PRKD2: variants seen among roughly 807,000 people sequenced by gnomAD.
PRKD2 encodes the protein protein kinase D2, also known as serine/threonine-protein kinase D2.
PRKD2 carries 22 observed loss-of-function variants against 86.0 expected under a neutral mutation model. The ratio of observed to expected loss-of-function variants is 0.26; its 90% CI spans 0.18 to 0.37. The LOEUF (loss-of-function observed/expected upper bound fraction) is 0.37, where lower values mean the gene tolerates loss of function less well. Ranked by LOEUF, PRKD2 falls within the 10% of genes least tolerant of loss-of-function variation. The pLI is 1.00. For missense variants in PRKD2, 818 were observed against 1,199.2 expected (o/e 0.68, Z 4.70); for synonymous variants, 509 against 510.9 (o/e 1.00, Z 0.05).
rs1383219683 is a variant in PRKD2, at chr19:46,706,123, C to T, written c.512-1474G>A. ...CAAGTGATCCTCCCACCTCAGCCTC[C>T]CAAAGTGTTGGGATTACAGGCATGA... On this transcript the variant is annotated intron_variant, in intron 3 of 17. Transcript: ENST00000291281. Among the ~76,000 whole-genome samples the T allele has an allele frequency of 3.9e-5, 6 of 152,172 alleles. No individual in the cohort carries two copies. The East Asian group carries it at 1.2e-3, about 29-fold the overall frequency.
At chr19:46,703,993 A>ACACACACACACACACC (rs1568732338) in intron 5 of PRKD2, among the ~76,000 whole-genome samples, 176 bp downstream of exon 5, 1 of 149,424 alleles carries the variant, frequency 6.7e-6, no homozygotes. Flanking sequence ...ACACACACAC[A>ACACACACACACACACC]ACTGAGGTTC....
chr19:46,689,936 C>T (rs955868079), intron 13 of PRKD2, among the ~76,000 whole-genome samples: 8 of 152,142 alleles, frequency 5.3e-5, no homozygotes, highest in African/African-American at 9.6e-5. Flanking sequence ...GATGGGGTTT[C>T]GCCATGTTGG....
rs56355930 is a variant in PRKD2 at position 46,699,918 on chromosome 19, T to TAA, written c.1121+879_1121+880dup. Among the ~76,000 whole-genome samples, 970 of 107,248 alleles carry TAA rather than the reference T, an allele frequency of 9.0e-3. 14 individuals are homozygous for TAA. Among genetic ancestry groups the TAA allele is most frequent in the African/African-American group, 0.033 (901 of 27,368 alleles). The allele number at this position is 107,248 out of a possible 152,430, so 70.4% of individuals were successfully genotyped here. On this transcript the variant is annotated intron_variant, in intron 7 of 17. Transcript: ENST00000291281. The stretch of plus-strand genomic sequence containing the variant: ...GGCAACATAGCAAGACCCCCTATCT[T>TAA]AAAAAAAAAAAAAAAAAAAAAAGAA...
intron 5 of PRKD2, among the ~76,000 whole-genome samples, chr19:46,703,183 A>G (rs1176355870): frequency 1.3e-5 from 2 of 152,194 alleles, no homozygotes; most frequent in Non-Finnish European, 2.9e-5. Flanking sequence ...GAGATCTAAG[A>G]TGTGTAATCT....
intron 14 of PRKD2, among the ~76,000 whole-genome samples, chr19:46,687,361 C>T (rs1021141057): frequency 6.6e-6 from 1 of 152,066 alleles, no homozygotes; most frequent in Non-Finnish European, 1.5e-5. Flanking sequence ...CACTGCACTC[C>T]AGCTCGGGTG....
At chr19:46,684,925 T>G (rs1001690559) in intron 14 of PRKD2, among the ~76,000 whole-genome samples, 88 of 146,794 alleles carry the variant, frequency 6.0e-4, no homozygotes, top group Admixed American at 2.7e-3. Context: ...ATAGCGCCAC[T>G]GCACTCCAGC....
chr19:46,694,381 G>A (rs2053527062), intron 9 of PRKD2, among the ~76,000 whole-genome samples: 1 of 152,136 alleles, frequency 6.6e-6, no homozygotes, highest in African/African-American at 2.4e-5. Context: ...GCTCACTTGA[G>A]GTCAGGAGTT....
At chr19:46,710,853 G>GC in intron 3 of PRKD2, 54 bp downstream of exon 3, 1 of 1,498,270 alleles carries the variant, frequency 6.7e-7, no homozygotes, top group Non-Finnish European at 9.0e-7. Context: ...ATTACGCTCC[G>GC]CCCCCGGTGC....
Position 46,701,093 on chromosome 19 carries a change from G to A in PRKD2, c.909C>T (p.His303=), listed in dbSNP as rs775176492. Residue 303 remains histidine (H), a synonymous_variant, in exon 6 of 18, where the codon CAC becomes CAT. Transcript: ENST00000291281. ...TAGGGACGCGGGTGGCGCAGCGTTT[G>A]TGACAGTTAAACTTGCAGTCTGGTA... ...LQCKDCKFNC[H]KRCATRVPND... 9 of 1,614,212 alleles carry A rather than the reference G, an allele frequency of 5.6e-6. No individual in the cohort carries two copies. The highest frequency in any genetic ancestry group is 7.6e-6 in the Non-Finnish European group (9 of 1,180,040).
Position 46,700,697 on chromosome 19 carries a change from A to G in PRKD2, c.1121+102T>C. 2.8e-6 allele frequency: 4 copies of G among 1,424,546 alleles called. No individual in the cohort carries two copies. In the South Asian group the frequency reaches 5.8e-5, roughly 21 times the overall value. 88.2% of individuals were successfully genotyped at this position (1,424,546 alleles called of 1,614,324 possible). A position where few individuals can be genotyped will look rare whatever the true frequency, so the allele number is the denominator to read the frequency against. On this transcript the variant is annotated intron_variant, in intron 7 of 17. Coordinates refer to ENST00000291281, the MANE Select transcript of PRKD2 (RefSeq NM_016457.5). ...TTTGCCTCAGGAACTGGGAAAATTT[A>G]TAAATATGAGGTGATGTCAGCCCAT...
At chr19:46,708,710 C>T (rs2053754215) in intron 3 of PRKD2, among the ~76,000 whole-genome samples, 1 of 152,296 alleles carries the variant, frequency 6.6e-6, no homozygotes, top group Admixed American at 6.5e-5. Flanking sequence ...AAGCAGGCTA[C>T]ACCAGAAACA....
chr19:46,678,786 C>T lies in PRKD2; in HGVS notation c.2071-123G>A. Reference sequence around the variant, plus strand: ...TGGATGCTGGTTTGAATCCAGGCTCCTTGGCTCACTAGCTGAGCAACCCTG... The same window carrying T: ...TGGATGCTGGTTTGAATCCAGGCTCTTTGGCTCACTAGCTGAGCAACCCTG... On this transcript the variant is annotated intron_variant, in intron 15 of 17. Coordinates refer to ENST00000291281, the MANE Select transcript of PRKD2 (RefSeq NM_016457.5). The surrounding 1 kb of genome is among the most constrained non-coding windows in gnomAD (Gnocchi z 5.7). The T allele has an allele frequency of 8.2e-7, 1 of 1,218,072 alleles. No homozygotes were observed. Among genetic ancestry groups the T allele is most frequent in the Non-Finnish European group, 1.1e-6 (1 of 889,490 alleles). The allele number at this position is 1,218,072 out of a possible 1,614,324, so 75.5% of individuals were successfully genotyped here.
intron 1 of PRKD2, chr19:46,714,409 C>G (rs2053853389): frequency 1.3e-6 from 1 of 746,686 alleles, no homozygotes; most frequent in African/African-American, 2.0e-5. Context: ...GTCCCAGTTA[C>G]CTGGCTCCAG....
At chr19:46,702,399 CTA>C (rs1483312242) in intron 5 of PRKD2, among the ~76,000 whole-genome samples, 6 of 152,086 alleles carry the variant, frequency 3.9e-5, no homozygotes, top group Non-Finnish European at 7.4e-5. Context: ...CTCTAGACAT[CTA>C]TGAGTCAACA....
intron 14 of PRKD2, chr19:46,688,910 G>C (rs1341041259): frequency 2.0e-5 from 3 of 152,114 alleles, no homozygotes; most frequent in African/African-American, 7.3e-5. Context: ...AACCTGGGCT[G>C]CTTTGCAACC....
Position 46,674,453 on chromosome 19 carries a change from G to A in PRKD2, c.*70C>T. 6.6e-7 allele frequency: 1 copy of A among 1,511,924 alleles called. No individual in the cohort carries two copies. The highest frequency in any genetic ancestry group is 8.9e-7 in the Non-Finnish European group (1 of 1,120,934). The allele number at this position is 1,511,924 out of a possible 1,614,324, so 93.7% of individuals were successfully genotyped here. ...TTTGGGCAGGAAGCCACTTTCCCTA[G>A]AACAGTTCATTGCTGGGATCCTGTG... On this transcript the variant is annotated 3_prime_UTR_variant, in exon 18 of 18. Transcript: ENST00000291281.
chr19:46,700,911 T>C lies in PRKD2; in HGVS notation c.1009A>G (p.Lys337Glu), dbSNP rs779171577. 4 of 1,614,212 alleles carry C rather than the reference T, an allele frequency of 2.5e-6. No homozygotes were observed. Among genetic ancestry groups the C allele is most frequent in the Non-Finnish European group, 8.5e-7 (1 of 1,180,032 alleles). Residue 337 changes from lysine (K) to glutamate (E), a missense_variant, in exon 7 of 18, where the codon AAG becomes GAG. Coordinates refer to ENST00000291281, the MANE Select transcript of PRKD2 (RefSeq NM_016457.5). Reference protein sequence around the residue: ...EEATDFSEADKSALMDESEDS... With the variant: ...EEATDFSEADESALMDESEDS... ...TCTGACTCATCCATGAGGGCGCTCT[T>C]GTCAGCCTCGCTGAAATCGGTGGCC...
intron 8 of PRKD2, chr19:46,697,439 C>T: frequency 1.7e-6 from 1 of 592,724 alleles, no homozygotes; most frequent in Non-Finnish European, 3.0e-6. Context: ...CCCCCACGCC[C>T]TAACCCCAGA....
At chr19:46,688,041 C>T (rs902777442) in intron 14 of PRKD2, among the ~76,000 whole-genome samples, 2 of 152,120 alleles carry the variant, frequency 1.3e-5, no homozygotes, top group African/African-American at 4.8e-5. Context: ...CCACATCCAG[C>T]TAGGTTTTCT....
Sources: gnomAD v4.1 joint callset for allele counts (sites outside exome capture counted in the v4.1 genomes callset) on GRCh38, gnomAD v4.1.1 for gene constraint, Gnocchi (gnomAD v3.1) non-coding constraint, MANE v1.5 for transcripts, NCBI Gene and HGNC (gene_info 2026-07-23, HGNC 2026-07-21) for gene names.